CSMD1: variants seen among roughly 807,000 people sequenced by gnomAD.
CSMD1 encodes the protein CUB and Sushi multiple domains 1.
In CSMD1, 213 loss-of-function variants were observed where a neutral mutation model predicts 417.5. That is an observed-to-expected ratio of 0.51 (90% CI 0.46 to 0.57). The LOEUF (loss-of-function observed/expected upper bound fraction) is 0.57, where lower values mean the gene tolerates loss of function less well. Ranked by LOEUF, CSMD1 falls within the 20% of genes least tolerant of loss-of-function variation. The probability of loss-of-function intolerance (pLI) is 0.00; values close to 1 mark genes in which losing one functional copy is unlikely to be tolerated. For missense variants in CSMD1, 6,923 were observed against 4,529.7 expected (o/e 1.53, Z -15.17); for synonymous variants, 2,862 against 1,736.8 (o/e 1.65, Z -16.11).
chr8:3,121,569 G>A (rs371212266), intron 41 of CSMD1, among the ~76,000 whole-genome samples: 6 of 152,180 alleles, frequency 3.9e-5, no homozygotes, highest in African/African-American at 1.2e-4. Flanking sequence ...ACTGGATTAT[G>A]TCGCTCATTA....
At chr8:3,808,141 C>A (rs866817603) in intron 5 of CSMD1, among the ~76,000 whole-genome samples, 13 of 152,130 alleles carry the variant, frequency 8.5e-5, no homozygotes, top group South Asian at 2.1e-4. Flanking sequence ...TCTGTGAAAT[C>A]ATCTATAATC....
chr8:3,214,273 C>T (rs1047796791), intron 30 of CSMD1, among the ~76,000 whole-genome samples: 3 of 151,910 alleles, frequency 2.0e-5, no homozygotes, highest in South Asian at 2.1e-4. Flanking sequence ...ACTGTACGAG[C>T]GAAGGAAAAA....
chr8:4,816,219 C>A (rs908527138), intron 1 of CSMD1, among the ~76,000 whole-genome samples: 18 of 152,024 alleles, frequency 1.2e-4, no homozygotes, highest in African/African-American at 4.1e-4. Context: ...GAGTCTCGCT[C>A]TGTTGCCCAG....
At chr8:4,656,344 C>A (rs931053334) in intron 1 of CSMD1, among the ~76,000 whole-genome samples, 4 of 151,938 alleles carry the variant, frequency 2.6e-5, no homozygotes, top group African/African-American at 9.7e-5. Context: ...AAGGTCAGAC[C>A]AGGCATGGTT....
chr8:4,796,713 T>C (rs1051431998), intron 1 of CSMD1, among the ~76,000 whole-genome samples: 1 of 152,214 alleles, frequency 6.6e-6, no homozygotes, highest in African/African-American at 2.4e-5. Flanking sequence ...TCCCTCCTTG[T>C]ACCAGGGCTC....
At chr8:3,921,040 G>A (rs948002090) in intron 5 of CSMD1, among the ~76,000 whole-genome samples, 15 of 152,228 alleles carry the variant, frequency 9.9e-5, no homozygotes, top group Middle Eastern at 3.4e-3. Context: ...TTTGAAAAGC[G>A]TTGGTTTAGT....
chr8:3,312,631 G>A (rs963183060), intron 23 of CSMD1, among the ~76,000 whole-genome samples: 1 of 152,160 alleles, frequency 6.6e-6, no homozygotes, highest in African/African-American at 2.4e-5. Flanking sequence ...TGGAATCACA[G>A]CCATCAATAC....
At chr8:4,439,228 A>G (rs1427489930) in intron 2 of CSMD1, among the ~76,000 whole-genome samples, 5 of 152,188 alleles carry the variant, frequency 3.3e-5, no homozygotes, top group African/African-American at 2.4e-5. Context: ...GAAATACTTT[A>G]TATGAAATAT....
intron 3 of CSMD1, among the ~76,000 whole-genome samples, chr8:4,161,526 A>G (rs955774410): frequency 1.3e-5 from 2 of 152,220 alleles, no homozygotes; most frequent in Admixed American, 1.3e-4. Context: ...CTGAACACGC[A>G]AAGTCCACTG....
At chr8:4,388,297 CTG>C (rs1803603952) in intron 3 of CSMD1, among the ~76,000 whole-genome samples, 2 of 128,420 alleles carry the variant, frequency 1.6e-5, no homozygotes, top group Non-Finnish European at 1.6e-5. Flanking sequence ...GATAAAGAAA[CTG>C]TGATACACAC....
rs56063684 is a variant in CSMD1, at chr8:4,612,187, A to G, written c.302+25155T>C. Among the ~76,000 whole-genome samples, 1,180 of 152,296 alleles carry G rather than the reference A, an allele frequency of 7.7e-3. 12 individuals carry two copies. Among genetic ancestry groups the G allele is most frequent in the African/African-American group, 0.027 (1,128 of 41,560 alleles). On this transcript the variant is annotated intron_variant, in intron 2 of 69. Coordinates refer to ENST00000635120, the MANE Select transcript of CSMD1 (RefSeq NM_033225.6). Reference sequence around the variant, plus strand: ...GTGGCTTGAACGCTGAGTGCTAAAAAAAACTGGCTGCAGGCACACTGCCTT... The same window carrying G: ...GTGGCTTGAACGCTGAGTGCTAAAAGAAACTGGCTGCAGGCACACTGCCTT...
chr8:3,252,661 G>A, intron 26 of CSMD1, among the ~76,000 whole-genome samples: 1 of 152,112 alleles, frequency 6.6e-6, no homozygotes, highest in East Asian at 1.9e-4. Flanking sequence ...TATACCTCTG[G>A]TAGAATTTGG....
intron 5 of CSMD1, among the ~76,000 whole-genome samples, chr8:3,823,224 G>C (rs1021214732): frequency 6.6e-6 from 1 of 152,112 alleles, no homozygotes; most frequent in Admixed American, 6.6e-5. Context: ...ATTAGTTTAG[G>C]TCAAAAATAA....
intron 3 of CSMD1, among the ~76,000 whole-genome samples, chr8:4,153,537 C>T (rs186167471): frequency 8.3e-4 from 126 of 152,344 alleles, no homozygotes; most frequent in African/African-American, 2.9e-3. Context: ...CAGCTGGTCC[C>T]TCGTCAGCAG....
chr8:4,144,956 G>C (rs1175328069), intron 3 of CSMD1, among the ~76,000 whole-genome samples: 1 of 150,980 alleles, frequency 6.6e-6, no homozygotes, highest in Non-Finnish European at 1.5e-5. Flanking sequence ...TTTCTAACTT[G>C]AAAACAGAAG....
At chr8:3,307,945 ATC>A in intron 24 of CSMD1, 124 bp from the exon 25 acceptor site, 5 of 1,071,012 alleles carry the variant, frequency 4.7e-6, no homozygotes, top group South Asian at 1.7e-5. Flanking sequence ...AATCACCATC[ATC>A]TCTCTCTCCT....
rs73659109 is a variant in CSMD1, at chr8:4,590,108, T to C, written c.302+47234A>G. Among the ~76,000 whole-genome samples, 429 of 152,358 alleles carry C rather than the reference T, an allele frequency of 2.8e-3. 2 individuals are homozygous for C. Among genetic ancestry groups the C allele is most frequent in the African/African-American group, 1.0e-2 (415 of 41,590 alleles). ...AAATCTTCAAAGTTATATAGGTTTA[T>C]TTAGAATAACATGCAATTTTATTTG... On this transcript the variant is annotated intron_variant, in intron 2 of 69. Transcript: ENST00000635120.
chr8:3,101,180 G>A (rs1222875702), intron 46 of CSMD1, among the ~76,000 whole-genome samples: 1 of 151,882 alleles, frequency 6.6e-6, no homozygotes, highest in Non-Finnish European at 1.5e-5. Context: ...TAGCTTTCCA[G>A]CCTGATTTAA....
chr8:2,990,839 C>T (rs1008104599), intron 54 of CSMD1, among the ~76,000 whole-genome samples: 1 of 152,210 alleles, frequency 6.6e-6, no homozygotes, highest in Admixed American at 6.5e-5. Flanking sequence ...AGGTATTGAG[C>T]AAATGAGATA....
Sources: allele counts gnomAD v4.1 joint callset (sites outside exome capture counted in the v4.1 genomes callset), GRCh38; gene constraint gnomAD v4.1.1; transcripts MANE v1.5; gene names NCBI Gene and HGNC (gene_info 2026-07-23, HGNC 2026-07-21).